The following NWD2 variants were observed in gnomAD, a reference collection of about 807,000 sequenced individuals.
NWD2 encodes NACHT and WD repeat domain containing 2.
NWD2 carries 37 observed loss-of-function variants against 132.7 expected under a neutral mutation model. The observed-to-expected ratio is 0.28, with a 90% confidence interval of 0.21 to 0.37. The LOEUF (loss-of-function observed/expected upper bound fraction) is 0.37. Among genes scored for constraint, NWD2 ranks in the 10% least tolerant of loss-of-function variants. The pLI is 1.00. For synonymous variants in NWD2, 705 were observed against 803.0 expected, an observed-to-expected ratio of 0.88 and a Z score of 2.06; for missense variants, 1,592 against 2,122.4, an observed-to-expected ratio of 0.75 and a Z score of 4.91.
intron 2 of NWD2, among the ~76,000 whole-genome samples, chr4:37,346,503 G>T (rs533386456): frequency 2.0e-5 from 3 of 152,068 alleles, no homozygotes; most frequent in Admixed American, 6.6e-5. Context: ...TGGGTTTTTT[G>T]AATTTCCATA....
rs1712425524 is a variant in NWD2, at chr4:37,439,560, G to C, written c.1296+170G>C. ...TTTGCTGGTATAACAGTTATATTGA[G>C]AGAGCAAAACTCATGGGGTACAACT... On this transcript the variant is annotated intron_variant, in intron 6 of 6. Coordinates refer to ENST00000309447, the MANE Select transcript of NWD2 (RefSeq NM_001144990.2). The surrounding 1 kb of genome is among the most constrained non-coding windows in gnomAD (Gnocchi z 4.5). Among the ~76,000 whole-genome samples, 1 of 152,166 alleles carries C rather than the reference G, an allele frequency of 6.6e-6. No individual in the cohort carries two copies. Among genetic ancestry groups the C allele is most frequent in the Non-Finnish European group, 1.5e-5 (1 of 68,032 alleles).
intron 1 of NWD2, among the ~76,000 whole-genome samples, chr4:37,289,460 C>A (rs980330469): frequency 5.3e-5 from 8 of 152,120 alleles, no homozygotes; most frequent in Non-Finnish European, 1.0e-4. Context: ...TATATACTTA[C>A]CCCCAAGATT....
intron 1 of NWD2, among the ~76,000 whole-genome samples, chr4:37,254,147 C>T (rs565317105): frequency 1.5e-4 from 23 of 152,266 alleles, no homozygotes; most frequent in African/African-American, 5.3e-4. Flanking sequence ...AACCAACCGC[C>T]CATGACACAT....
chr4:37,430,261 A>C (rs1275936240), intron 3 of NWD2, among the ~76,000 whole-genome samples: 1 of 152,230 alleles, frequency 6.6e-6, no homozygotes, highest in Non-Finnish European at 1.5e-5. Context: ...ATGAACAAAC[A>C]AATCTCAGAG....
chr4:37,428,552 A>T (rs1474168063), intron 3 of NWD2, among the ~76,000 whole-genome samples: 1 of 152,196 alleles, frequency 6.6e-6, no homozygotes. Context: ...CTAAAACATA[A>T]ATTGCTCAGC....
intron 1 of NWD2, among the ~76,000 whole-genome samples, chr4:37,315,748 G>T (rs558943671): frequency 1.3e-5 from 2 of 151,800 alleles, no homozygotes; most frequent in Admixed American, 6.6e-5. Context: ...TCTCACGTTG[G>T]TTTTCTTCGT....
chr4:37,288,038 T>G (rs1718272191), intron 1 of NWD2, among the ~76,000 whole-genome samples: 1 of 152,118 alleles, frequency 6.6e-6, no homozygotes, highest in Non-Finnish European at 1.5e-5. Context: ...GAAACCATCA[T>G]CCTCAGCAAA....
chr4:37,428,835 G>A (rs867386684), intron 3 of NWD2, among the ~76,000 whole-genome samples: 4 of 152,276 alleles, frequency 2.6e-5, no homozygotes, highest in South Asian at 2.1e-4. Flanking sequence ...AGGTTAAAGC[G>A]ATTCTCCTGC....
chr4:37,375,671 C>T (rs185469978), intron 3 of NWD2, among the ~76,000 whole-genome samples: 1,930 of 151,856 alleles, frequency 0.013, 22 homozygotes, highest in African/African-American at 0.029. Context: ...CGGGTTCACA[C>T]CATTCTCCTG....
intron 5 of NWD2, among the ~76,000 whole-genome samples, chr4:37,438,439 G>A (rs1420873975): frequency 6.6e-6 from 1 of 152,036 alleles, no homozygotes; most frequent in African/African-American, 2.4e-5. Context: ...GGCCCAGATG[G>A]GTCCCTGCTG....
chr4:37,382,584 C>A (rs1294655711), intron 3 of NWD2, among the ~76,000 whole-genome samples: 1 of 152,144 alleles, frequency 6.6e-6, no homozygotes, highest in East Asian at 1.9e-4. Flanking sequence ...CCCTGTGAGC[C>A]CGGGTTTCTA....
chr4:37,397,202 G>C (rs753263649), intron 3 of NWD2, among the ~76,000 whole-genome samples: 4 of 152,142 alleles, frequency 2.6e-5, no homozygotes, highest in Non-Finnish European at 4.4e-5. Context: ...TCTCATTACA[G>C]TGTTGCAATA....
At chr4:37,272,305 A>G (rs910604787) in intron 1 of NWD2, among the ~76,000 whole-genome samples, 6 of 151,746 alleles carry the variant, frequency 4.0e-5, no homozygotes, top group African/African-American at 1.4e-4. Flanking sequence ...AGAGCCTCAT[A>G]CAATGAGTTG....
intron 2 of NWD2, among the ~76,000 whole-genome samples, chr4:37,347,011 A>G (rs867048539): frequency 7.2e-5 from 11 of 152,058 alleles, no homozygotes; most frequent in Non-Finnish European, 1.3e-4. Context: ...AAATTTTAGT[A>G]TATTGTACCT....
intron 1 of NWD2, among the ~76,000 whole-genome samples, chr4:37,293,810 A>G (rs1577658274): frequency 6.6e-6 from 1 of 151,736 alleles, no homozygotes; most frequent in Admixed American, 6.6e-5. Context: ...AGCTATTGTT[A>G]TTCCTACCAG....
chr4:37,422,361 C>G (rs1471809973), intron 3 of NWD2, among the ~76,000 whole-genome samples: 1 of 152,086 alleles, frequency 6.6e-6, no homozygotes, highest in Admixed American at 6.6e-5. Context: ...TGCAGTTAAC[C>G]CAGCATAATT....
intron 3 of NWD2, among the ~76,000 whole-genome samples, chr4:37,374,626 TC>T (rs1007720918): frequency 2.0e-5 from 3 of 152,040 alleles, no homozygotes; most frequent in African/African-American, 7.2e-5. Context: ...AACATCAAGG[TC>T]AAAAGCAAAA....
Position 37,447,294 on chromosome 4 carries a change from A to T in NWD2, c.*77A>T, listed in dbSNP as rs1712666262. ...AAAAATGTGCCCCAAATGATAAACT[A>T]TTCATTTATTAAAAGGCAGGAGCGA... On this transcript the variant is annotated 3_prime_UTR_variant, in exon 7 of 7. Transcript: ENST00000309447. The T allele has an allele frequency of 4.6e-6, 5 of 1,091,762 alleles. No homozygotes were observed. The highest frequency in any genetic ancestry group is 2.6e-5 in the East Asian group (1 of 38,516). The allele number at this position is 1,091,762 out of a possible 1,614,324, so 67.6% of individuals were successfully genotyped here.
chr4:37,325,206 G>T (rs141596927), intron 1 of NWD2, among the ~76,000 whole-genome samples: 1 of 152,070 alleles, frequency 6.6e-6, no homozygotes. Flanking sequence ...GTGATTCTTC[G>T]AGCTTCAGGT....
Sources: gnomAD v4.1 joint callset for allele counts (sites outside exome capture counted in the v4.1 genomes callset) on GRCh38, gnomAD v4.1.1 for gene constraint, Gnocchi (gnomAD v3.1) non-coding constraint, MANE v1.5 for transcripts, NCBI Gene and HGNC (gene_info 2026-07-23, HGNC 2026-07-21) for gene names.